TPTE: variants seen among roughly 807,000 people sequenced by gnomAD.
The protein encoded by TPTE is putative tyrosine-protein phosphatase TPTE.
In TPTE, 59 loss-of-function variants were observed where a neutral mutation model predicts 84.1. That is an observed-to-expected ratio of 0.70 (90% CI 0.57 to 0.87). The LOEUF is 0.87. Ranked by LOEUF, TPTE falls within the 40% of genes least tolerant of loss-of-function variation. The pLI is 0.00. For missense variants in TPTE, 382 were observed against 659.6 expected, an observed-to-expected ratio of 0.58 and a Z score of 4.61; for synonymous variants, 130 against 223.5, an observed-to-expected ratio of 0.58 and a Z score of 3.73.
At chr21:10,551,593 A>G (rs1368080421) in intron 7 of TPTE, among the ~76,000 whole-genome samples, 3 of 152,300 alleles carry the variant, frequency 2.0e-5, no homozygotes, top group Non-Finnish European at 4.4e-5. Flanking sequence ...CCAAACAGAA[A>G]TAAACACATT....
chr21:10,552,145 T>A (rs1295481091), intron 7 of TPTE, among the ~76,000 whole-genome samples: 1 of 152,308 alleles, frequency 6.6e-6, no homozygotes, highest in African/African-American at 2.4e-5. Flanking sequence ...ACCAATAAAG[T>A]AGTTTTTAAT....
chr21:10,599,993 C>T (rs1253271920), intron 21 of TPTE, among the ~76,000 whole-genome samples: 13 of 152,402 alleles, frequency 8.5e-5, no homozygotes, highest in African/African-American at 3.1e-4. Flanking sequence ...TTCATAGAGG[C>T]TGGGACTTGC....
At chr21:10,584,489 C>T (rs911627902) in intron 17 of TPTE, among the ~76,000 whole-genome samples, 1 of 152,308 alleles carries the variant, frequency 6.6e-6, no homozygotes, top group Non-Finnish European at 1.5e-5. Context: ...AGGCAGGTGC[C>T]ACCATGCCTA....
At chr21:10,590,605 G>T (rs878890849) in intron 18 of TPTE, 82 bp downstream of exon 18, 21 of 1,593,764 alleles carry the variant, frequency 1.3e-5, no homozygotes, top group Non-Finnish European at 1.7e-5. Flanking sequence ...ACATTAAGAT[G>T]ATTATTTTAG....
At chr21:10,525,678 C>T (rs1252961900) in intron 2 of TPTE, among the ~76,000 whole-genome samples, 2 of 152,310 alleles carry the variant, frequency 1.3e-5, no homozygotes, top group African/African-American at 4.8e-5. Context: ...TTTAAGAATT[C>T]TGCATGACCA....
chr21:10,546,280 T>C (rs1378578701), intron 7 of TPTE, among the ~76,000 whole-genome samples: 1 of 152,308 alleles, frequency 6.6e-6, no homozygotes, highest in Non-Finnish European at 1.5e-5. Context: ...ACGAACCATG[T>C]CCATATTAAG....
intron 21 of TPTE, among the ~76,000 whole-genome samples, chr21:10,601,247 G>A (rs1284723374): frequency 6.6e-6 from 1 of 152,310 alleles, no homozygotes; most frequent in Non-Finnish European, 1.5e-5. Flanking sequence ...GCCCATGCCT[G>A]TAATCCCAGC....
chr21:10,540,271 G>A (rs1398915367), intron 4 of TPTE, among the ~76,000 whole-genome samples: 1 of 152,290 alleles, frequency 6.6e-6, no homozygotes, highest in Non-Finnish European at 1.5e-5. Flanking sequence ...GTACACACAA[G>A]AGAGACTGAG....
At position 10,558,769 on chromosome 21, in the gene TPTE, C is replaced by T. The variant is rs550772821; in HGVS notation, c.234-725C>T. Among the ~76,000 whole-genome samples the T allele has an allele frequency of 1.5e-4, 22 of 143,998 alleles. No individual in the cohort carries two copies. The South Asian group carries it at 4.8e-3, about 32-fold the overall frequency. The allele number at this position is 143,998 out of a possible 152,430, so 94.5% of individuals were successfully genotyped here. On this transcript the variant is annotated intron_variant, in intron 8 of 23. Coordinates refer to ENST00000618007, the MANE Select transcript of TPTE (RefSeq NM_199261.4). Reference sequence around the variant, plus strand: ...AAGCCTCCTGTGTTGGAGGCTTCTCCTCCTGAAGAGCCTCCAACACAGGAG... The same window carrying T: ...AAGCCTCCTGTGTTGGAGGCTTCTCTTCCTGAAGAGCCTCCAACACAGGAG...
At chr21:10,534,647 A>G (rs1385989759) in intron 3 of TPTE, among the ~76,000 whole-genome samples, 6 of 152,306 alleles carry the variant, frequency 3.9e-5, no homozygotes, top group South Asian at 4.1e-4. Context: ...TCACTAGCCT[A>G]TAATGGAGCC....
intron 3 of TPTE, among the ~76,000 whole-genome samples, chr21:10,534,580 C>G (rs537293818): frequency 2.0e-5 from 3 of 152,420 alleles, no homozygotes; most frequent in African/African-American, 7.2e-5. Context: ...TAGCTCTGAC[C>G]CAAATGAAGT....
At chr21:10,543,241 C>G (rs2074403290) in intron 6 of TPTE, 88 bp from the exon 7 acceptor site, 1 of 1,478,396 alleles carries the variant, frequency 6.8e-7, no homozygotes, top group Non-Finnish European at 9.1e-7. Context: ...ACCTTGTTAG[C>G]CAGGATGGTC....
chr21:10,525,666 C>G (rs1485480374), intron 2 of TPTE, among the ~76,000 whole-genome samples: 5 of 152,310 alleles, frequency 3.3e-5, no homozygotes, highest in African/African-American at 1.2e-4. Flanking sequence ...TACCAAAAAG[C>G]ATTTAAGAAT....
chr21:10,546,892 G>A (rs534508944), intron 7 of TPTE, among the ~76,000 whole-genome samples: 9 of 152,424 alleles, frequency 5.9e-5, no homozygotes, highest in East Asian at 1.9e-4. Flanking sequence ...AGCCAGTGCC[G>A]ATGCAGAAGC....
intron 10 of TPTE, among the ~76,000 whole-genome samples, chr21:10,561,668 A>G (rs2074807772): frequency 6.6e-6 from 1 of 152,302 alleles, no homozygotes; most frequent in Non-Finnish European, 1.5e-5. Flanking sequence ...AGGGGTGGAA[A>G]GAGTGGGAAG....
At chr21:10,570,677 A>C in intron 14 of TPTE, 128 bp downstream of exon 14, 1 of 1,560,014 alleles carries the variant, frequency 6.4e-7, no homozygotes, top group Non-Finnish European at 8.8e-7. Context: ...AAAAAATCAT[A>C]ATGGATTGAT....
intron 9 of TPTE, 54 bp from the exon 10 acceptor site, chr21:10,560,976 A>AATGC (rs1232745806): frequency 1.3e-6 from 2 of 1,573,390 alleles, no homozygotes; most frequent in African/African-American, 2.8e-5. Flanking sequence ...TACAGGGACA[A>AATGC]ATGCCCCTTT....
intron 2 of TPTE, among the ~76,000 whole-genome samples, chr21:10,525,862 C>T (rs1389483517): frequency 1.4e-4 from 22 of 152,304 alleles, no homozygotes; most frequent in Non-Finnish European, 7.3e-5. Context: ...ATGGATGTCT[C>T]GTGCCCTTTT....
intron 3 of TPTE, among the ~76,000 whole-genome samples, chr21:10,533,565 A>G (rs368972058): frequency 2.0e-5 from 3 of 152,308 alleles, no homozygotes; most frequent in African/African-American, 7.2e-5. Flanking sequence ...CTGAAGGACA[A>G]TCTCAGTCTG....
Sources: allele counts gnomAD v4.1 joint callset (sites outside exome capture counted in the v4.1 genomes callset), GRCh38; gene constraint gnomAD v4.1.1; transcripts MANE v1.5; gene names NCBI Gene and HGNC (gene_info 2026-07-23, HGNC 2026-07-21).